The following GPD2 variants were observed in gnomAD, a reference collection of about 807,000 sequenced individuals.
GPD2 encodes the protein glycerol-3-phosphate dehydrogenase, mitochondrial.
Under a neutral mutation model 82.4 loss-of-function variants are expected in GPD2, and 54 were observed. The ratio of observed to expected loss-of-function variants is 0.66; its 90% CI spans 0.53 to 0.82. The LOEUF (loss-of-function observed/expected upper bound fraction) is 0.82. Among genes scored for constraint, GPD2 ranks in the 40% least tolerant of loss-of-function variants. GPD2 has a pLI of 0.00. For missense variants in GPD2, 748 were observed against 896.2 expected (o/e 0.83, Z 2.11); for synonymous variants, 288 against 306.1 (o/e 0.94, Z 0.62).
chr2:156,566,673 A>G (rs1167704166), intron 9 of GPD2, among the ~76,000 whole-genome samples: 1 of 152,214 alleles, frequency 6.6e-6, no homozygotes, highest in Non-Finnish European at 1.5e-5. Context: ...GCTATGAACA[A>G]GGTTGTAAAA....
intron 6 of GPD2, among the ~76,000 whole-genome samples, chr2:156,543,910 A>G (rs1686425223): frequency 6.6e-6 from 1 of 152,244 alleles, no homozygotes; most frequent in Admixed American, 6.5e-5. Context: ...GTATTTCTAT[A>G]GAAAAAAGAA....
intron 1 of GPD2, among the ~76,000 whole-genome samples, chr2:156,444,514 A>G (rs1682287291): frequency 6.6e-6 from 1 of 152,034 alleles, no homozygotes; most frequent in African/African-American, 2.4e-5. Flanking sequence ...GGAGTTTGAG[A>G]CCAGCCTGGC....
chr2:156,512,820 A>G (rs1014030082), intron 5 of GPD2, among the ~76,000 whole-genome samples: 2 of 152,228 alleles, frequency 1.3e-5, no homozygotes, highest in Non-Finnish European at 2.9e-5. Flanking sequence ...AGAGCTATCC[A>G]TGAAGTTGCC....
chr2:156,472,212 A>T (rs1370002982), intron 1 of GPD2, among the ~76,000 whole-genome samples: 2 of 152,026 alleles, frequency 1.3e-5, no homozygotes, highest in African/African-American at 4.8e-5. Context: ...GTTTGTAATC[A>T]TTGTGAAAAC....
chr2:156,526,821 T>C (rs1231525807), intron 6 of GPD2, among the ~76,000 whole-genome samples: 1 of 152,022 alleles, frequency 6.6e-6, no homozygotes, highest in East Asian at 1.9e-4. Context: ...GACATTGCAA[T>C]ATGGGGAAAT....
intron 6 of GPD2, among the ~76,000 whole-genome samples, chr2:156,539,889 ATTTGAAAT>A (rs1170263462): frequency 1.3e-5 from 2 of 152,190 alleles, no homozygotes; most frequent in African/African-American, 4.8e-5. Context: ...CAGTTGGCTT[ATTTGAAAT>A]TTTGTAAATT....
Position 156,582,979 on chromosome 2 carries a change from A to G in GPD2, c.*61A>G, listed in dbSNP as rs1574027242. ...AACGACAAATCACCATGTAACAACC[A>G]GAGATGACTGAAACCACTCTGAAAT... is the stretch of plus-strand genomic sequence containing the variant. On this transcript the variant is annotated 3_prime_UTR_variant, in exon 17 of 17. Transcript: ENST00000438166. The G allele has an allele frequency of 1.0e-5, 16 of 1,573,106 alleles. No individual in the cohort carries two copies. Among genetic ancestry groups the G allele is most frequent in the South Asian group, 6.7e-5 (6 of 89,924 alleles).
the GPD2 span, among the ~76,000 whole-genome samples, chr2:156,413,398 A>G: frequency 4.6e-5 from 7 of 151,858 alleles, no homozygotes; most frequent in African/African-American, 1.7e-4. Flanking sequence ...CCTGGCAAAC[A>G]TGGCGAAATC....
upstream of GPD2, among the ~76,000 whole-genome samples, chr2:156,432,288 G>A (rs1688325807): frequency 6.6e-6 from 1 of 152,038 alleles, no homozygotes; most frequent in Admixed American, 6.6e-5. Context: ...TAGATTCAGG[G>A]GCTACATGTG....
intron 1 of GPD2, among the ~76,000 whole-genome samples, chr2:156,460,042 C>A (rs1041146556): frequency 1.3e-5 from 2 of 152,316 alleles, no homozygotes; most frequent in Admixed American, 6.5e-5. Flanking sequence ...CTGACTGCTT[C>A]ATGGTAGGAA....
At chr2:156,471,419 G>GT (rs1473076706) in intron 1 of GPD2, among the ~76,000 whole-genome samples, 1 of 152,086 alleles carries the variant, frequency 6.6e-6, no homozygotes, top group African/African-American at 2.4e-5. Flanking sequence ...TCTACTCCCC[G>GT]TTGCCAACAG....
At chr2:156,436,238 C>T (rs933001324), upstream of GPD2, among the ~76,000 whole-genome samples, 2 of 152,230 alleles carry the variant, frequency 1.3e-5, no homozygotes, top group African/African-American at 2.4e-5. Context: ...CCGAGGTATC[C>T]GGGCAGGAGG....
chr2:156,527,171 A>G (rs974864347), intron 6 of GPD2, among the ~76,000 whole-genome samples: 2 of 152,144 alleles, frequency 1.3e-5, no homozygotes, highest in African/African-American at 4.8e-5. Context: ...ATCTAACCTC[A>G]CAAAGAATGG....
intron 3 of GPD2, among the ~76,000 whole-genome samples, chr2:156,504,965 C>T (rs1203667563): frequency 2.0e-5 from 3 of 152,010 alleles, no homozygotes; most frequent in Non-Finnish European, 4.4e-5. Context: ...ATTTTATTCT[C>T]TTTGCTTATC....
rs1477237191 is a variant in GPD2, at chr2:156,557,659, CTA to C, written c.1165+79_1165+80del. 1,392 of 842,808 alleles carry C rather than the reference CTA, an allele frequency of 1.7e-3. 4 individuals carry two copies. The highest frequency in any genetic ancestry group is 5.7e-4 in the Non-Finnish European group (279 of 487,866). 52.2% of individuals were successfully genotyped at this position (842,808 alleles called of 1,614,324 possible). A position where few individuals can be genotyped will look rare whatever the true frequency, so the allele number is the denominator to read the frequency against. On this transcript the variant is annotated intron_variant, in intron 9 of 16. Coordinates refer to ENST00000438166, the MANE Select transcript of GPD2 (RefSeq NM_000408.5). ...CATTCCAGCTCTCACTGGATAAATG[CTA>C]TGTCTCCAGTCTGACTCATCTTCAC...
In GPD2 at chr2:156,583,809, T is replaced by C. The variant is rs1688118486; in HGVS notation, c.*891T>C. 1 of 152,476 alleles carries C rather than the reference T, an allele frequency of 6.6e-6. No homozygotes were observed. The highest frequency in any genetic ancestry group is 1.5e-5 in the Non-Finnish European group (1 of 67,980). 9.4% of individuals were successfully genotyped at this position (152,476 alleles called of 1,614,324 possible). Reference sequence around the variant, plus strand: ...TCTAATTATTACAGTAGTAATACATTTAAGAGTTAAAAATGTGTTTTTATA... The same window carrying C: ...TCTAATTATTACAGTAGTAATACATCTAAGAGTTAAAAATGTGTTTTTATA... On this transcript the variant is annotated 3_prime_UTR_variant, in exon 17 of 17. Transcript: ENST00000438166.
intron 1 of GPD2, among the ~76,000 whole-genome samples, chr2:156,467,981 TA>T (rs951969162): frequency 7.2e-5 from 11 of 152,258 alleles, no homozygotes; most frequent in Middle Eastern, 6.8e-3. Context: ...ATCCCCACAG[TA>T]AAGTAAAACT....
At chr2:156,574,215 G>GA (rs34925801) in intron 13 of GPD2, among the ~76,000 whole-genome samples, 35,067 of 146,038 alleles carry the variant, frequency 0.24, 4,811 homozygotes, top group Middle Eastern at 0.35. Flanking sequence ...AACATTTAGA[G>GA]AAAAAAAAAA....
intron 6 of GPD2, among the ~76,000 whole-genome samples, chr2:156,519,170 A>C (rs559947191): frequency 6.6e-6 from 1 of 152,230 alleles, no homozygotes; most frequent in South Asian, 2.1e-4. Flanking sequence ...TTGGAGATAC[A>C]TACTGATATT....
Sources: allele counts gnomAD v4.1 joint callset (sites outside exome capture counted in the v4.1 genomes callset), GRCh38; gene constraint gnomAD v4.1.1; transcripts MANE v1.5; gene names NCBI Gene and HGNC (gene_info 2026-07-23, HGNC 2026-07-21).